LTBP1: variants seen among roughly 807,000 people sequenced by gnomAD.
LTBP1 encodes latent transforming growth factor beta binding protein 1.
In LTBP1, 129 loss-of-function variants were observed where a neutral mutation model predicts 207.6. That is an observed-to-expected ratio of 0.62 (90% CI 0.54 to 0.72). The LOEUF (loss-of-function observed/expected upper bound fraction) is 0.72. LTBP1 is among the 30% of genes least tolerant of loss of function. The pLI, the probability that LTBP1 is intolerant of heterozygous loss-of-function variation, is 0.00. For synonymous variants in LTBP1, 963 were observed against 833.7 expected (o/e 1.16, Z -2.67); for missense variants, 2,281 against 2,217.2 (o/e 1.03, Z -0.58).
chr2:33,261,852 C>T (rs2093020073), intron 13 of LTBP1, among the ~76,000 whole-genome samples: 1 of 152,168 alleles, frequency 6.6e-6, no homozygotes, highest in African/African-American at 2.4e-5. Context: ...TACTTGAAGC[C>T]AGGAGAAGAG....
chr2:33,274,920 C>A, intron 16 of LTBP1, 45 bp from the exon 17 acceptor site: 1 of 1,597,402 alleles, frequency 6.3e-7, no homozygotes, highest in Non-Finnish European at 8.6e-7. Flanking sequence ...AAACTAAGTT[C>A]TTGCTACACA....
At chr2:32,980,789 G>A (rs995587467) in intron 2 of LTBP1, among the ~76,000 whole-genome samples, 9 of 152,172 alleles carry the variant, frequency 5.9e-5, no homozygotes, top group African/African-American at 2.2e-4. Flanking sequence ...ATCAGCTTTT[G>A]TTTTTCTGGG....
chr2:33,293,644 G>T (rs1479991463), intron 20 of LTBP1, among the ~76,000 whole-genome samples: 1 of 151,958 alleles, frequency 6.6e-6, no homozygotes, highest in Admixed American at 6.6e-5. Flanking sequence ...AATTATTTCT[G>T]AATAAAATTG....
chr2:33,103,633 T>TGTGTGTGTGTGTGTG lies in LTBP1; in HGVS notation c.864-6949_864-6948insGTGTGTGTGTGTGTG, dbSNP rs780868356. 3.1e-3 allele frequency among the ~76,000 whole-genome samples: 383 copies of TGTGTGTGTGTGTGTG among 123,006 alleles called. 5 individuals are homozygous for TGTGTGTGTGTGTGTG. The highest frequency in any genetic ancestry group is 8.8e-3 in the Middle Eastern group (2 of 228). 80.7% of individuals were successfully genotyped at this position (123,006 alleles called of 152,430 possible). ...TGTGTGTGTGTGTGTGTGTGAGTGT[T>TGTGTGTGTGTGTGTG]ATGCTGCCATGTGGCATCTTCCTAA... On this transcript the variant is annotated intron_variant, in intron 3 of 33. Coordinates refer to ENST00000404816, the MANE Select transcript of LTBP1 (RefSeq NM_206943.4).
intron 22 of LTBP1, among the ~76,000 whole-genome samples, chr2:33,306,799 C>G (rs976501460): frequency 7.2e-5 from 11 of 152,038 alleles, no homozygotes; most frequent in Non-Finnish European, 1.5e-4. Context: ...AATGGAAAAA[C>G]TGATTGTCAG....
At chr2:33,089,528 C>T (rs948463575) in intron 3 of LTBP1, among the ~76,000 whole-genome samples, 2 of 152,148 alleles carry the variant, frequency 1.3e-5, no homozygotes, top group Non-Finnish European at 2.9e-5. Flanking sequence ...ACAAGATAGC[C>T]CCCTACAACA....
At chr2:33,238,138 T>C (rs1489553075) in intron 9 of LTBP1, among the ~76,000 whole-genome samples, 1 of 152,186 alleles carries the variant, frequency 6.6e-6, no homozygotes, top group Non-Finnish European at 1.5e-5. Context: ...TGCTTTCAAG[T>C]GGAAGGCATA....
At position 33,127,937 on chromosome 2, in the gene LTBP1, C is replaced by T. The variant is rs10469890; in HGVS notation, c.1034-6856C>T. Among the ~76,000 whole-genome samples, 955 of 152,084 alleles carry T rather than the reference C, an allele frequency of 6.3e-3. 10 individuals are homozygous for T. Among genetic ancestry groups the T allele is most frequent in the African/African-American group, 0.022 (895 of 41,500 alleles). ...CTTTACATGGAGATGTGGTGGGAGG[C>T]GAGGCTAGGTTGGACCTAGGTAGGA... is the stretch of plus-strand genomic sequence containing the variant. On this transcript the variant is annotated intron_variant, in intron 4 of 33. Coordinates refer to ENST00000404816, the MANE Select transcript of LTBP1 (RefSeq NM_206943.4).
At chr2:33,217,396 A>T (rs2090792419) in intron 7 of LTBP1, among the ~76,000 whole-genome samples, 156 bp from the exon 8 acceptor site, 2 of 152,204 alleles carry the variant, frequency 1.3e-5, no homozygotes, top group African/African-American at 4.8e-5. Flanking sequence ...ATTTCTGTCC[A>T]GGTATTTTCT....
At position 33,214,567 on chromosome 2, in the gene LTBP1, C is replaced by T. The variant is rs558300288; in HGVS notation, c.1702-2985C>T. 9.9e-5 allele frequency among the ~76,000 whole-genome samples: 15 copies of T among 152,196 alleles called. No homozygotes were observed. In the East Asian group the frequency reaches 2.9e-3, roughly 29 times the overall value. ...GTGTCTGAGACTGTTCATCTGTGGC[C>T]CTGCCGCTGTTCCAACCTCGGGGAC... On this transcript the variant is annotated intron_variant, in intron 7 of 33. Coordinates refer to ENST00000404816, the MANE Select transcript of LTBP1 (RefSeq NM_206943.4).
intron 22 of LTBP1, among the ~76,000 whole-genome samples, chr2:33,303,857 C>A (rs778872080): frequency 6.6e-5 from 10 of 152,130 alleles, no homozygotes; most frequent in African/African-American, 2.4e-4. Context: ...GGTCCATGGC[C>A]CAGGGATTGA....
intron 10 of LTBP1, among the ~76,000 whole-genome samples, chr2:33,251,602 T>C (rs2092685919): frequency 6.8e-6 from 1 of 147,268 alleles, no homozygotes; most frequent in Non-Finnish European, 1.5e-5. Context: ...GAGGTGGAGC[T>C]TGCAGTGAGC....
intron 3 of LTBP1, among the ~76,000 whole-genome samples, chr2:33,078,063 G>A (rs2078181207): frequency 6.6e-6 from 1 of 152,138 alleles, no homozygotes; most frequent in Admixed American, 6.6e-5. Flanking sequence ...TTGCAGCCTG[G>A]AGGAAGGTCA....
intron 7 of LTBP1, among the ~76,000 whole-genome samples, chr2:33,198,245 A>C (rs1019591025): frequency 3.9e-5 from 6 of 152,176 alleles, no homozygotes; most frequent in African/African-American, 1.4e-4. Flanking sequence ...CCAGGGATGA[A>C]GCCCACTTGA....
intron 2 of LTBP1, among the ~76,000 whole-genome samples, chr2:32,998,103 A>C (rs1318234225): frequency 2.0e-5 from 3 of 152,302 alleles, no homozygotes; most frequent in East Asian, 1.9e-4. Context: ...GTACCTTGAA[A>C]AGCTTATTGA....
At chr2:33,077,652 C>T (rs1388389096) in intron 3 of LTBP1, among the ~76,000 whole-genome samples, 5 of 152,118 alleles carry the variant, frequency 3.3e-5, no homozygotes, top group Non-Finnish European at 7.3e-5. Context: ...ACCCCCGAAC[C>T]GGCCCCACCT....
chr2:33,103,662 T>C (rs2079890801), intron 3 of LTBP1, among the ~76,000 whole-genome samples: 1 of 151,068 alleles, frequency 6.6e-6, no homozygotes, highest in African/African-American at 2.4e-5. Context: ...TTCCTAATGG[T>C]TTGCTTATTC....
rs531414155 is a variant in LTBP1 at position 33,318,405 on chromosome 2, AG to A, written c.3730+3139del. Among the ~76,000 whole-genome samples, 84 of 152,302 alleles carry A rather than the reference AG, an allele frequency of 5.5e-4. 2 individuals carry two copies. In the South Asian group the frequency reaches 0.012, roughly 22 times the overall value. Reference sequence around the variant, plus strand: ...CTATCTGGTTCCAGGCCTTGTTCCAAGGGTAAAACATACAATTCTTGCCTCC... The same window carrying A: ...CTATCTGGTTCCAGGCCTTGTTCCAAGGTAAAACATACAATTCTTGCCTCC... On this transcript the variant is annotated intron_variant, in intron 24 of 33. Transcript: ENST00000404816.
intron 2 of LTBP1, among the ~76,000 whole-genome samples, chr2:33,001,743 A>G (rs1448551091): frequency 7.4e-6 from 1 of 135,242 alleles, no homozygotes; most frequent in African/African-American, 2.6e-5. Context: ...AGGCCCTGCC[A>G]GAATGGTTGG....
Sources: allele counts gnomAD v4.1 joint callset (sites outside exome capture counted in the v4.1 genomes callset), GRCh38; gene constraint gnomAD v4.1.1; transcripts MANE v1.5; gene names NCBI Gene and HGNC (gene_info 2026-07-23, HGNC 2026-07-21).